The following TCAF1 variants were observed in gnomAD, a reference collection of about 807,000 sequenced individuals.
TCAF1 encodes TRPM8 channel associated factor 1, also known as TRPM8 channel-associated factor 1.
Under a neutral mutation model 27.3 loss-of-function variants are expected in TCAF1, and 4 were observed. The observed-to-expected ratio is 0.15, with a 90% CI of 0.07 to 0.34. The LOEUF (loss-of-function observed/expected upper bound fraction) is 0.34, where lower values mean the gene tolerates loss of function less well. TCAF1 is among the 10% of genes least tolerant of loss of function. The pLI is 1.00. For missense variants in TCAF1, 257 were observed against 425.8 expected, an observed-to-expected ratio of 0.60 and a Z score of 3.49; for synonymous variants, 105 against 167.1, an observed-to-expected ratio of 0.63 and a Z score of 2.87.
chr7:143,900,379 T>A (rs192214117), intron 1 of TCAF1, among the ~76,000 whole-genome samples: 1 of 152,144 alleles, frequency 6.6e-6, no homozygotes, highest in Non-Finnish European at 1.5e-5. Flanking sequence ...GGGAGCCTTC[T>A]CTCTGGGGGG....
At chr7:143,899,069 T>A (rs927628753) in intron 1 of TCAF1, among the ~76,000 whole-genome samples, 4 of 152,170 alleles carry the variant, frequency 2.6e-5, no homozygotes, top group Non-Finnish European at 4.4e-5. Context: ...AAATTTTTGT[T>A]CCTTATACAT....
chr7:143,859,981 T>TTATATATTATATAATA (rs1811871439), intron 6 of TCAF1, among the ~76,000 whole-genome samples: 4 of 43,508 alleles, frequency 9.2e-5, no homozygotes, highest in Non-Finnish European at 1.2e-4. Context: ...ATAATATATA[T>TTATATATTATATAATA]TATATAATAT....
chr7:143,875,842 G>A, intron 2 of TCAF1, 147 bp downstream of exon 2: 2 of 631,620 alleles, frequency 3.2e-6, no homozygotes. Flanking sequence ...ATGTCTCAGG[G>A]CATTTAAAAA....
intron 6 of TCAF1, among the ~76,000 whole-genome samples, chr7:143,859,909 TATTAC>T: frequency 1.8e-5 from 1 of 54,336 alleles, no homozygotes; most frequent in South Asian, 6.3e-4. Context: ...ATATAATATA[TATTAC>T]GGAATATATA....
intron 1 of TCAF1, chr7:143,882,360 C>G (rs1813096141): frequency 1.0e-6 from 1 of 984,202 alleles, no homozygotes; most frequent in African/African-American, 1.7e-5. Flanking sequence ...CGACCCTGCT[C>G]AAGCCCCGGG....
chr7:143,885,326 T>A, intron 1 of TCAF1: 1 of 984,964 alleles, frequency 1.0e-6, no homozygotes, highest in Non-Finnish European at 1.2e-6. Context: ...GTGAAGTGGC[T>A]AGGAGGAGGC....
At chr7:143,875,289 T>G (rs960747425) in intron 2 of TCAF1, among the ~76,000 whole-genome samples, 1 of 152,182 alleles carries the variant, frequency 6.6e-6, no homozygotes, top group African/African-American at 2.4e-5. Flanking sequence ...ATTCATGCAG[T>G]CATGCATGCA....
chr7:143,852,702 A>C lies in TCAF1; in HGVS notation c.*1431T>G, dbSNP rs1432912435. The C allele has an allele frequency of 6.6e-6, 1 of 151,846 alleles. No homozygotes were observed. The highest frequency in any genetic ancestry group is 2.4e-5 in the African/African-American group (1 of 41,266). The allele number at this position is 151,846 out of a possible 1,614,324, so 9.4% of individuals were successfully genotyped here. A position where few individuals can be genotyped will look rare whatever the true frequency, so the allele number is the denominator to read the frequency against. On this transcript the variant is annotated 3_prime_UTR_variant, in exon 9 of 9. Coordinates refer to ENST00000479870, the MANE Select transcript of TCAF1 (RefSeq NM_014719.3). Reference sequence around the variant, plus strand: ...TTCTCATCCATTTTTGTGTTGAGCTAATCGTGATGACCTCATTTGTTTTCT... The same window carrying C: ...TTCTCATCCATTTTTGTGTTGAGCTCATCGTGATGACCTCATTTGTTTTCT...
At chr7:143,875,565 T>TCTGGATAGACATTTCAAAAC (rs1231008603) in intron 2 of TCAF1, among the ~76,000 whole-genome samples, 1 of 152,170 alleles carries the variant, frequency 6.6e-6, no homozygotes, top group Non-Finnish European at 1.5e-5. Flanking sequence ...CCTAACCTCA[T>TCTGGATAGACATTTCAAAAC]CTGGATAGAC....
At chr7:143,889,845 G>A (rs1013990283) in intron 1 of TCAF1, among the ~76,000 whole-genome samples, 4 of 152,152 alleles carry the variant, frequency 2.6e-5, no homozygotes, top group Non-Finnish European at 4.4e-5. Context: ...CCTCCTCCAC[G>A]ATGGCAATGA....
intron 1 of TCAF1, among the ~76,000 whole-genome samples, chr7:143,879,209 A>T (rs1386746838): frequency 6.6e-6 from 1 of 152,226 alleles, no homozygotes; most frequent in Non-Finnish European, 1.5e-5. Context: ...CTAAGAGAAG[A>T]TATGGCACAG....
intron 1 of TCAF1, among the ~76,000 whole-genome samples, chr7:143,888,883 T>C (rs1813529473): frequency 6.6e-6 from 1 of 152,156 alleles, no homozygotes. Context: ...TCAGAATTAC[T>C]AGTCACAGAA....
At chr7:143,888,541 A>G (rs759425787) in intron 1 of TCAF1, among the ~76,000 whole-genome samples, 167 of 152,228 alleles carry the variant, frequency 1.1e-3, no homozygotes, top group Non-Finnish European at 2.2e-3. Flanking sequence ...GATGAAGGGG[A>G]AAAAGATCAA....
At chr7:143,896,756 AAAAT>A (rs1813886264) in intron 1 of TCAF1, among the ~76,000 whole-genome samples, 1 of 152,020 alleles carries the variant, frequency 6.6e-6, no homozygotes, top group Non-Finnish European at 1.5e-5. Flanking sequence ...TACATGGTCA[AAAAT>A]AATCATATCA....
At chr7:143,897,864 A>G (rs964582899) in intron 1 of TCAF1, among the ~76,000 whole-genome samples, 1 of 152,126 alleles carries the variant, frequency 6.6e-6, no homozygotes, top group East Asian at 1.9e-4. Context: ...AATACTATTC[A>G]TATTATTTTA....
chr7:143,869,030 G>T (rs1388042853), intron 2 of TCAF1, among the ~76,000 whole-genome samples: 1 of 40,064 alleles, frequency 2.5e-5, no homozygotes, highest in Non-Finnish European at 5.0e-5. Flanking sequence ...TTTTGAGACA[G>T]TCTCACTCTG....
At chr7:143,880,954 T>C (rs1465474643) in intron 1 of TCAF1, among the ~76,000 whole-genome samples, 3 of 152,206 alleles carry the variant, frequency 2.0e-5, no homozygotes, top group Non-Finnish European at 4.4e-5. Flanking sequence ...TCCTGCTTTC[T>C]TTCTCCTGGG....
rs528782000 is a variant in TCAF1 at position 143,875,862 on chromosome 7, A to G, written c.620+127T>C. 2.3e-4 allele frequency: 182 copies of G among 777,344 alleles called. 1 individual carries two copies. The highest frequency in any genetic ancestry group is 1.9e-3 in the South Asian group (83 of 42,848). The allele number at this position is 777,344 out of a possible 1,614,324, so 48.2% of individuals were successfully genotyped here. A position where few individuals can be genotyped will look rare whatever the true frequency, so the allele number is the denominator to read the frequency against. ...TCAGGGCATTTAAAAAATCTAGTTGATATGTAGTGATTCCATATCTGAGTG... is the reference window on the plus strand; with the variant it reads ...TCAGGGCATTTAAAAAATCTAGTTGGTATGTAGTGATTCCATATCTGAGTG... On this transcript the variant is annotated intron_variant, in intron 2 of 8. Transcript: ENST00000479870.
intron 2 of TCAF1, among the ~76,000 whole-genome samples, chr7:143,874,862 G>A (rs868432720): frequency 3.9e-5 from 6 of 152,204 alleles, no homozygotes; most frequent in Admixed American, 3.3e-4. Flanking sequence ...TGCAAATCAG[G>A]TTCTTGAAAT....
Sources: allele counts gnomAD v4.1 joint callset (sites outside exome capture counted in the v4.1 genomes callset), GRCh38; gene constraint gnomAD v4.1.1; transcripts MANE v1.5; gene names NCBI Gene and HGNC (gene_info 2026-07-23, HGNC 2026-07-21).